Variants in CSF2 observed in about 807,000 individuals in gnomAD.
CSF2 encodes granulocyte-macrophage colony-stimulating factor.
A neutral mutation model predicts 13.5 loss-of-function variants in CSF2; 2 were observed. The ratio of observed to expected loss-of-function variants is 0.15; its 90% CI spans 0.06 to 0.47. The LOEUF is 0.47. Ranked by LOEUF, CSF2 falls within the 20% of genes least tolerant of loss-of-function variation. CSF2 has a pLI of 0.97. For synonymous variants in CSF2, 66 were observed against 69.2 expected (o/e 0.95, Z 0.23); for missense variants, 141 against 179.7 (o/e 0.78, Z 1.23).
rs1756668235 is a variant in CSF2, at chr5:132,073,951, T to C, written c.128T>C (p.Leu43Pro). The change falls in exon 1 of 4, where the codon CTG (leucine) becomes CCG (proline). Residue 43 changes from leucine to proline, a missense_variant. Transcript: ENST00000296871. The stretch of plus-strand genomic sequence containing the variant: ...GCCATCCAGGAGGCCCGGCGTCTCC[T>C]GAACCTGAGTAGAGACACTGCTGCT... ...VNAIQEARRL[L>P]NLSRDTAAEM... is the part of the protein sequence containing the mutation. The C allele has an allele frequency of 1.2e-6, 2 of 1,613,384 alleles. No homozygotes were observed. The highest frequency in any genetic ancestry group is 1.7e-6 in the Non-Finnish European group (2 of 1,180,046).
intron 2 of CSF2, 140 bp downstream of exon 2, chr5:132,074,262 G>A: frequency 1.0e-6 from 1 of 975,876 alleles, no homozygotes; most frequent in Non-Finnish European, 1.6e-6. Context: ...GGTAGCAACT[G>A]GGTGCTCAAG....
In CSF2 at chr5:132,073,801, G is replaced by C; in HGVS notation, c.-23G>C. Reference sequence around the variant, plus strand: ...TGCCAGTGAGCCCAGTACACAGAGAGAAAGGCTAAAGTTCTCTGGAGGATG... The same window carrying C: ...TGCCAGTGAGCCCAGTACACAGAGACAAAGGCTAAAGTTCTCTGGAGGATG... On this transcript the variant is annotated 5_prime_UTR_variant, in exon 1 of 4. Transcript: ENST00000296871. The C allele has an allele frequency of 6.2e-7, 1 of 1,611,636 alleles. No individual in the cohort carries two copies. The highest frequency in any genetic ancestry group is 8.5e-7 in the Non-Finnish European group (1 of 1,180,024).
Sources: gnomAD v4.1 joint callset for allele counts on GRCh38, gnomAD v4.1.1 for gene constraint, MANE v1.5 for transcripts, NCBI Gene and HGNC (gene_info 2026-07-23, HGNC 2026-07-21) for gene names.